Variants in FGF13 observed in about 807,000 individuals in gnomAD.
FGF13 encodes fibroblast growth factor 13.
A neutral mutation model predicts 19.5 loss-of-function variants in FGF13; 2 were observed. That is an observed-to-expected ratio of 0.10 (90% CI 0.04 to 0.32). The LOEUF is 0.32. FGF13 is among the 10% of genes least tolerant of loss of function. The probability of loss-of-function intolerance (pLI) is 1.00; values close to 1 mark genes in which losing one functional copy is unlikely to be tolerated. For missense variants in FGF13, 113 were observed against 192.7 expected (o/e 0.59, Z 2.45); for synonymous variants, 72 against 76.9 (o/e 0.94, Z 0.33).
chrX:138,935,431 G>T (rs939823947), intron 1 of FGF13, among the ~76,000 whole-genome samples: 1 of 111,995 alleles, frequency 8.9e-6, no homozygotes, highest in Non-Finnish European at 1.9e-5. Flanking sequence ...CTTAACAACA[G>T]AGATGGTACA....
intron 1 of FGF13, among the ~76,000 whole-genome samples, chrX:139,028,616 T>TGTGTGTGTGTGTGTGA (rs1432577338): frequency 1.9e-4 from 14 of 74,284 alleles, no homozygotes; most frequent in Non-Finnish European, 2.9e-4. Context: ...TGTGTGTGTG[T>TGTGTGTGTGTGTGTGA]GAGAGAGAGA....
At chrX:139,093,529 T>C (rs1371257291) in intron 1 of FGF13, among the ~76,000 whole-genome samples, 3 of 112,140 alleles carry the variant, frequency 2.7e-5, no homozygotes, top group Admixed American at 9.4e-5. Flanking sequence ...CCAGAGATAG[T>C]GAAGTGGGCT....
intron 1 of FGF13, among the ~76,000 whole-genome samples, chrX:138,901,605 C>T (rs1008099464): frequency 8.9e-6 from 1 of 111,732 alleles, no homozygotes; most frequent in Admixed American, 9.5e-5. Context: ...TTTCTCTCTT[C>T]CATGATTTAT....
chrX:139,202,514 G>C (rs1039291537), intron 1 of FGF13, among the ~76,000 whole-genome samples: 4 of 111,794 alleles, frequency 3.6e-5, no homozygotes, highest in Non-Finnish European at 7.5e-5. Context: ...CCTTGAGCCA[G>C]ACCGGGGGCA....
At position 139,122,452 on chromosome X, in the gene FGF13, C is replaced by T. The variant is rs1038835506; in HGVS notation, c.-113+80964G>A. ...TCTCTACCACTCCACTGGCACCATA[C>T]TTACCATGATTACCAATGATCTCCA... On this transcript the variant is annotated intron_variant, in intron 1 of 2. Transcript: ENST00000421460. Among the ~76,000 whole-genome samples the T allele has an allele frequency of 2.7e-5, 3 of 111,555 alleles. No individual in the cohort carries two copies. The Admixed American group carries it at 2.8e-4, about 11-fold the overall frequency.
At chrX:138,736,565 G>A (rs1170930839) in intron 1 of FGF13, among the ~76,000 whole-genome samples, 7 of 110,342 alleles carry the variant, frequency 6.3e-5, no homozygotes, top group African/African-American at 2.3e-4. Flanking sequence ...TCAATGTTTG[G>A]AATGAGTGAT....
intron 3 of FGF13, among the ~76,000 whole-genome samples, chrX:138,664,915 TC>T (rs1426301716): frequency 9.0e-6 from 1 of 111,097 alleles, no homozygotes; most frequent in Non-Finnish European, 1.9e-5. Context: ...ACTGCTCCAT[TC>T]AATTTTATAC....
chrX:139,031,027 G>T (rs889346441), intron 1 of FGF13, among the ~76,000 whole-genome samples: 2 of 111,260 alleles, frequency 1.8e-5, no homozygotes, highest in East Asian at 2.9e-4. Flanking sequence ...AACTCTAAGC[G>T]TACACTATCT....
intron 3 of FGF13, among the ~76,000 whole-genome samples, chrX:138,760,403 G>A (rs1170307850): frequency 9.0e-6 from 1 of 111,241 alleles, no homozygotes; most frequent in Non-Finnish European, 1.9e-5. Flanking sequence ...CTTCGTTTGA[G>A]TTCCAGTGTT....
In FGF13 at chrX:138,624,349, A is replaced by G. The variant is rs968587951; in HGVS notation, c.*8501T>C. 5.4e-5 allele frequency: 6 copies of G among 111,972 alleles called. No individual in the cohort carries two copies. Among genetic ancestry groups the G allele is most frequent in the Non-Finnish European group, 9.4e-5 (5 of 53,271 alleles). The allele number at this position is 111,972 out of a possible 1,213,427, so 9.2% of individuals were successfully genotyped here. A position where few individuals can be genotyped will look rare whatever the true frequency, so the allele number is the denominator to read the frequency against. The stretch of plus-strand genomic sequence containing the variant: ...AAATATAGTCCATTCAATAAATCGT[A>G]TTTTAAACATTGAATATCCAAATAC... On this transcript the variant is annotated 3_prime_UTR_variant, in exon 5 of 5. Transcript: ENST00000315930.
chrX:139,048,350 C>T (rs1476138871), intron 1 of FGF13, among the ~76,000 whole-genome samples: 5 of 111,290 alleles, frequency 4.5e-5, no homozygotes, highest in Non-Finnish European at 9.4e-5. Flanking sequence ...ACCAATATTA[C>T]TCTCATTTAC....
intron 3 of FGF13, among the ~76,000 whole-genome samples, chrX:138,692,067 C>T (rs2089843541): frequency 9.0e-6 from 1 of 111,234 alleles, no homozygotes; most frequent in African/African-American, 3.3e-5. Context: ...TCTTGTGTCT[C>T]AGTAATTCAC....
rs759278135 is a variant in FGF13 at position 139,059,430 on chromosome X, A to G, written c.-113+143986T>C. 1.5e-3 allele frequency among the ~76,000 whole-genome samples: 164 copies of G among 107,397 alleles called. 1 individual carries two copies. The highest frequency in any genetic ancestry group is 4.7e-3 in the Middle Eastern group (1 of 212). The allele number at this position is 107,397 out of a possible 115,157, so 93.3% of individuals were successfully genotyped here. A position where few individuals can be genotyped will look rare whatever the true frequency, so the allele number is the denominator to read the frequency against. ...AAGTGAAGAATGTTCTTAAAAAAAA[A>G]AGAGAGAGAGAGAGAGAGAGAGAAT... is the stretch of plus-strand genomic sequence containing the variant. On this transcript the variant is annotated intron_variant, in intron 1 of 2. Transcript: ENST00000421460.
rs756588294 is a variant in FGF13, at chrX:138,617,535, G to A, written c.*15315C>T. ...AAATTTGTGTTGAGCTAAATTGTAA[G>A]GTAAACTGAAAGAAGCTGTGTAAAA... On this transcript the variant is annotated 3_prime_UTR_variant, in exon 5 of 5. Transcript: ENST00000315930. 8.9e-6 allele frequency: 1 copy of A among 111,892 alleles called. No individual in the cohort carries two copies. Among genetic ancestry groups the A allele is most frequent in the Admixed American group, 9.5e-5 (1 of 10,546 alleles). 9.2% of individuals were successfully genotyped at this position (111,892 alleles called of 1,213,427 possible).
intron 1 of FGF13, among the ~76,000 whole-genome samples, chrX:139,170,000 G>A (rs1204384380): frequency 1.8e-5 from 2 of 111,400 alleles, no homozygotes; most frequent in African/African-American, 6.5e-5. Flanking sequence ...GAAATTGCAG[G>A]ATTTCAAGGG....
intron 1 of FGF13, among the ~76,000 whole-genome samples, chrX:138,926,758 A>C (rs768736951): frequency 9.0e-5 from 10 of 111,547 alleles, no homozygotes; most frequent in Admixed American, 3.8e-4. Context: ...TTCAAGACCA[A>C]CCTGGCCAAC....
At chrX:139,135,685 C>T (rs2083794439) in intron 1 of FGF13, among the ~76,000 whole-genome samples, 2 of 111,316 alleles carry the variant, frequency 1.8e-5, no homozygotes, top group African/African-American at 6.5e-5. Context: ...ACTCTATGTG[C>T]CATGTTTCTG....
intron 1 of FGF13, among the ~76,000 whole-genome samples, chrX:139,025,939 C>T (rs1424098601): frequency 9.0e-6 from 1 of 111,127 alleles, no homozygotes; most frequent in Admixed American, 9.6e-5. Context: ...ATGTTGAACA[C>T]TTCCTCCTCC....
At chrX:138,862,138 G>A (rs2091291755) in intron 2 of FGF13, among the ~76,000 whole-genome samples, 1 of 112,026 alleles carries the variant, frequency 8.9e-6, no homozygotes, top group Non-Finnish European at 1.9e-5. Flanking sequence ...CTTATTCAAA[G>A]ACAGAAAAGC....
Sources: gnomAD v4.1 joint callset for allele counts (sites outside exome capture counted in the v4.1 genomes callset) on GRCh38, gnomAD v4.1.1 for gene constraint, MANE v1.5 for transcripts, NCBI Gene and HGNC (gene_info 2026-07-23, HGNC 2026-07-21) for gene names.